Variants in CTNNA2 observed in about 807,000 individuals in gnomAD.
The protein encoded by CTNNA2 is catenin alpha-2.
Under a neutral mutation model 101.0 loss-of-function variants are expected in CTNNA2, and 42 were observed. The observed-to-expected ratio is 0.42, with a 90% CI of 0.32 to 0.54. CTNNA2 has a LOEUF of 0.54. Ranked by LOEUF, CTNNA2 falls within the 20% of genes least tolerant of loss-of-function variation. The pLI, the probability that CTNNA2 is intolerant of heterozygous loss-of-function variation, is 0.14. For missense variants in CTNNA2, 871 were observed against 1,223.1 expected, an observed-to-expected ratio of 0.71 and a Z score of 4.29; for synonymous variants, 450 against 456.4, an observed-to-expected ratio of 0.99 and a Z score of 0.18.
chr2:80,101,208 G>T (rs1190947400), intron 7 of CTNNA2, among the ~76,000 whole-genome samples: 1 of 152,138 alleles, frequency 6.6e-6, no homozygotes, highest in Non-Finnish European at 1.5e-5. Flanking sequence ...ACAACAAAAA[G>T]ATTTGGAAAA....
intron 4 of CTNNA2, among the ~76,000 whole-genome samples, chr2:79,869,126 A>C (rs544557378): frequency 6.6e-6 from 1 of 152,322 alleles, no homozygotes; most frequent in Non-Finnish European, 1.5e-5. Context: ...CAATGCTACT[A>C]TGGAAAAGTT....
chr2:79,847,282 C>T (rs1318511459), intron 3 of CTNNA2, among the ~76,000 whole-genome samples: 2 of 152,072 alleles, frequency 1.3e-5, no homozygotes, highest in Non-Finnish European at 2.9e-5. Flanking sequence ...TGGTGGCTCA[C>T]GCCTGTAATC....
intron 2 of CTNNA2, among the ~76,000 whole-genome samples, chr2:79,706,100 T>C (rs1018527490): frequency 2.0e-5 from 3 of 151,864 alleles, no homozygotes; most frequent in Non-Finnish European, 2.9e-5. Flanking sequence ...TGCGGTGGCT[T>C]ATACCTGTAA....
At chr2:80,457,550 C>A (rs957745901) in intron 9 of CTNNA2, among the ~76,000 whole-genome samples, 6 of 151,902 alleles carry the variant, frequency 3.9e-5, no homozygotes, top group African/African-American at 1.5e-4. Context: ...ATTAATATTA[C>A]TGATGTAAAA....
chr2:80,302,801 A>G lies in CTNNA2; in HGVS notation c.1057-90410A>G. Reference sequence around the variant, plus strand: ...TGCGTACTCCGGGCTGGCGCACTGCAAGTTGCCATCGTAGCGCCCCTGGAA... The same window carrying G: ...TGCGTACTCCGGGCTGGCGCACTGCGAGTTGCCATCGTAGCGCCCCTGGAA... On this transcript the variant is annotated intron_variant, in intron 7 of 18. Transcript: ENST00000402739. The surrounding 1 kb of genome is among the most constrained non-coding windows in gnomAD (Gnocchi z 6.4). 6.2e-7 allele frequency: 1 copy of G among 1,613,728 alleles called. No homozygotes were observed. Among genetic ancestry groups the G allele is most frequent in the Non-Finnish European group, 8.5e-7 (1 of 1,179,948 alleles).
intron 7 of CTNNA2, among the ~76,000 whole-genome samples, chr2:79,917,331 G>A (rs1468353142): frequency 1.3e-5 from 2 of 152,164 alleles, no homozygotes; most frequent in African/African-American, 4.8e-5. Context: ...GCCTCCCAAA[G>A]TGCTGGGATT....
intron 7 of CTNNA2, among the ~76,000 whole-genome samples, chr2:80,184,619 G>A (rs1225185330): frequency 6.6e-6 from 1 of 152,134 alleles, no homozygotes; most frequent in Non-Finnish European, 1.5e-5. Context: ...TTGACCACCT[G>A]CTTGAGTGGA....
intron 2 of CTNNA2, among the ~76,000 whole-genome samples, chr2:79,202,327 GTTTTTTTAT>G (rs1056304180): frequency 1.5e-4 from 20 of 129,498 alleles, no homozygotes; most frequent in East Asian, 6.5e-4. Flanking sequence ...CCACACACTT[GTTTTTTTAT>G]TTTTTTTATT....
chr2:80,295,435 T>TG (rs757373394), intron 7 of CTNNA2, among the ~76,000 whole-genome samples: 38 of 152,332 alleles, frequency 2.5e-4, no homozygotes, highest in Admixed American at 4.6e-4. Flanking sequence ...CTGAAGCCCC[T>TG]GACTCTCAGT....
chr2:79,257,518 T>C (rs1573002010), intron 2 of CTNNA2, among the ~76,000 whole-genome samples: 2 of 146,096 alleles, frequency 1.4e-5, no homozygotes, highest in Admixed American at 6.8e-5. Context: ...AAAAACTTCA[T>C]AGGGAAAGTG....
At chr2:79,266,040 A>G (rs1156999288) in intron 2 of CTNNA2, among the ~76,000 whole-genome samples, 2 of 152,200 alleles carry the variant, frequency 1.3e-5, no homozygotes, top group African/African-American at 4.8e-5. Flanking sequence ...AACTGTACCT[A>G]TAGCAATTTA....
chr2:80,555,292 A>G (rs1322845922), intron 11 of CTNNA2, among the ~76,000 whole-genome samples: 1 of 152,224 alleles, frequency 6.6e-6, no homozygotes, highest in African/African-American at 2.4e-5. Context: ...TACAACTTCT[A>G]AAAGGCCCTG....
chr2:80,446,210 G>A (rs571719496), intron 9 of CTNNA2, among the ~76,000 whole-genome samples: 1 of 152,296 alleles, frequency 6.6e-6, no homozygotes, highest in East Asian at 1.9e-4. Flanking sequence ...GCTCCTATGA[G>A]TGACTTGGGA....
chr2:80,437,131 A>C (rs1464703506), intron 9 of CTNNA2, among the ~76,000 whole-genome samples: 1 of 152,186 alleles, frequency 6.6e-6, no homozygotes, highest in Non-Finnish European at 1.5e-5. Flanking sequence ...TGGGCACTGA[A>C]TCTGCTGGTC....
chr2:79,321,912 C>T (rs1211667096), intron 3 of CTNNA2, among the ~76,000 whole-genome samples: 2 of 152,090 alleles, frequency 1.3e-5, no homozygotes, highest in Admixed American at 6.6e-5. Context: ...TCCCACAAAC[C>T]ACAAGGCTTT....
At chr2:80,278,955 A>G (rs977396873) in intron 7 of CTNNA2, among the ~76,000 whole-genome samples, 1 of 151,534 alleles carries the variant, frequency 6.6e-6, no homozygotes, top group African/African-American at 2.4e-5. Flanking sequence ...ACAAAGTGAG[A>G]CTCTGTCTCT....
intron 4 of CTNNA2, 98 bp downstream of exon 4, chr2:79,858,277 C>T (rs560537526): frequency 1.1e-6 from 1 of 950,850 alleles, no homozygotes; most frequent in South Asian, 1.7e-5. Context: ...TTTCATTGCT[C>T]ACCAGATCAG....
chr2:80,106,958 CT>C (rs940098319), intron 7 of CTNNA2, among the ~76,000 whole-genome samples: 3 of 152,164 alleles, frequency 2.0e-5, no homozygotes, highest in Non-Finnish European at 2.9e-5. Context: ...GGTGTAAAAG[CT>C]GTGCTGAGCA....
At chr2:79,563,148 A>C (rs1475776014) in intron 1 of CTNNA2, among the ~76,000 whole-genome samples, 1 of 110,602 alleles carries the variant, frequency 9.0e-6, no homozygotes, top group East Asian at 2.7e-4. Context: ...AAAACACCTA[A>C]TAATAAAGAT....
Sources: allele counts gnomAD v4.1 joint callset (sites outside exome capture counted in the v4.1 genomes callset), GRCh38; gene constraint gnomAD v4.1.1; non-coding constraint Gnocchi (gnomAD v3.1); transcripts MANE v1.5; gene names NCBI Gene and HGNC (gene_info 2026-07-23, HGNC 2026-07-21).